EPHB1: variants seen among roughly 807,000 people sequenced by gnomAD.
EPHB1 encodes ephrin type-B receptor 1.
A neutral mutation model predicts 94.4 loss-of-function variants in EPHB1; 30 were observed. The ratio of observed to expected loss-of-function variants is 0.32; its 90% CI spans 0.24 to 0.43. EPHB1 has a LOEUF of 0.43. EPHB1 is among the 20% of genes least tolerant of loss of function. The probability of loss-of-function intolerance (pLI) is 1.00; values close to 1 mark genes in which losing one functional copy is unlikely to be tolerated. For synonymous variants in EPHB1, 522 were observed against 489.1 expected, an observed-to-expected ratio of 1.07 and a Z score of -0.89; for missense variants, 1,055 against 1,308.3, an observed-to-expected ratio of 0.81 and a Z score of 2.99.
At chr3:135,241,928 T>G (rs1292061455) in intron 13 of EPHB1, among the ~76,000 whole-genome samples, 2 of 152,104 alleles carry the variant, frequency 1.3e-5, no homozygotes, top group Non-Finnish European at 2.9e-5. Context: ...TCCCTGTCTG[T>G]GGGGAGGTCA....
chr3:135,074,280 T>TCA (rs1220537437), intron 3 of EPHB1, among the ~76,000 whole-genome samples: 1 of 152,226 alleles, frequency 6.6e-6, no homozygotes, highest in Non-Finnish European at 1.5e-5. Context: ...CATCATGAGC[T>TCA]CATAGATTTA....
intron 5 of EPHB1, among the ~76,000 whole-genome samples, chr3:135,153,567 G>C (rs1941259520): frequency 6.6e-6 from 1 of 152,146 alleles, no homozygotes; most frequent in Admixed American, 6.5e-5. Context: ...CCATACCTCT[G>C]TTGTTGGTCT....
chr3:134,978,033 AC>A (rs1235775909), intron 3 of EPHB1: 1 of 455,486 alleles, frequency 2.2e-6, no homozygotes, highest in East Asian at 7.0e-5. Flanking sequence ...TATTTCTGCC[AC>A]ACTCACACAG....
At chr3:135,004,598 A>G (rs1202356263) in intron 3 of EPHB1, among the ~76,000 whole-genome samples, 5 of 151,966 alleles carry the variant, frequency 3.3e-5, no homozygotes, top group Non-Finnish European at 7.4e-5. Context: ...AGGTATACCA[A>G]TCAGAGGTAG....
At position 135,167,044 on chromosome 3, in the gene EPHB1, A is replaced by G. The variant is rs60822960; in HGVS notation, c.1759+38A>G. On this transcript the variant is annotated intron_variant, in intron 9 of 15. Transcript: ENST00000398015. ...CAGAGACCCGGTGTCTGACCCCCAC[A>G]GGCCACTGAGTCAAGTGGGCTAGTG... 10,128 of 1,608,130 alleles carry G rather than the reference A, an allele frequency of 6.3e-3. 285 individuals are homozygous for G. The African/African-American group carries it at 0.067, about 11-fold the overall frequency.
At chr3:134,873,414 T>G (rs1011650159) in intron 1 of EPHB1, among the ~76,000 whole-genome samples, 2 of 152,198 alleles carry the variant, frequency 1.3e-5, no homozygotes, top group Non-Finnish European at 2.9e-5. Flanking sequence ...ATGACCTAGA[T>G]GGTTTGGGGA....
chr3:135,145,681 G>C (rs1940987777), intron 5 of EPHB1, among the ~76,000 whole-genome samples: 1 of 152,096 alleles, frequency 6.6e-6, no homozygotes, highest in Non-Finnish European at 1.5e-5. Flanking sequence ...GATGGGGAGG[G>C]ACCCAGCCTG....
chr3:135,177,254 A>G (rs540819870), intron 9 of EPHB1, among the ~76,000 whole-genome samples: 133 of 152,304 alleles, frequency 8.7e-4, no homozygotes, highest in African/African-American at 3.1e-3. Flanking sequence ...GGGTCCCAGC[A>G]TCTGGGCTGT....
At chr3:135,099,054 G>A (rs1400168629) in intron 3 of EPHB1, among the ~76,000 whole-genome samples, 1 of 147,136 alleles carries the variant, frequency 6.8e-6, no homozygotes, top group Non-Finnish European at 1.5e-5. Flanking sequence ...TCCACACTTT[G>A]TGTGGGAGTG....
intron 1 of EPHB1, among the ~76,000 whole-genome samples, chr3:134,798,223 C>T (rs548261619): frequency 2.0e-5 from 3 of 152,252 alleles, no homozygotes; most frequent in African/African-American, 7.2e-5. Flanking sequence ...TGAGGCCAGG[C>T]GGGCCCTCAG....
At chr3:135,030,821 G>T (rs1262446604) in intron 3 of EPHB1, among the ~76,000 whole-genome samples, 2 of 152,116 alleles carry the variant, frequency 1.3e-5, no homozygotes, top group Non-Finnish European at 2.9e-5. Context: ...CCCTCCCCCA[G>T]CCTCGCTGCC....
At chr3:134,953,620 CG>C (rs2107716992) in intron 3 of EPHB1, among the ~76,000 whole-genome samples, 1 of 152,310 alleles carries the variant, frequency 6.6e-6, no homozygotes, top group Admixed American at 6.5e-5. Context: ...CTTGCAGCAG[CG>C]CATGGTGGGT....
chr3:134,980,781 G>A (rs1478995444), intron 3 of EPHB1, among the ~76,000 whole-genome samples: 1 of 152,192 alleles, frequency 6.6e-6, no homozygotes, highest in Non-Finnish European at 1.5e-5. Flanking sequence ...CTGGCACCAG[G>A]CTAGGCTAGG....
At chr3:134,942,891 A>G (rs1166189266) in intron 2 of EPHB1, among the ~76,000 whole-genome samples, 1 of 152,270 alleles carries the variant, frequency 6.6e-6, no homozygotes, top group Non-Finnish European at 1.5e-5. Context: ...GCCTGGTAGC[A>G]GAAACCAAAG....
chr3:134,931,742 T>C (rs1252725583), intron 2 of EPHB1, among the ~76,000 whole-genome samples: 1 of 152,216 alleles, frequency 6.6e-6, no homozygotes, highest in African/African-American at 2.4e-5. Flanking sequence ...TTTAGAAATA[T>C]AAGTATGTGT....
intron 3 of EPHB1, among the ~76,000 whole-genome samples, chr3:134,975,787 G>T (rs1387257221): frequency 2.0e-5 from 3 of 151,734 alleles, no homozygotes; most frequent in Admixed American, 1.3e-4. Context: ...GGCAGGGGGG[G>T]AGTGAGAAAG....
intron 3 of EPHB1, among the ~76,000 whole-genome samples, chr3:134,995,940 T>C (rs2107740232): frequency 6.6e-6 from 1 of 150,714 alleles, no homozygotes; most frequent in East Asian, 1.9e-4. Flanking sequence ...ATTGGTATAA[T>C]GTGCATGTAT....
intron 1 of EPHB1, among the ~76,000 whole-genome samples, chr3:134,829,576 A>G (rs2036543692): frequency 6.6e-6 from 1 of 152,210 alleles, no homozygotes; most frequent in Non-Finnish European, 1.5e-5. Flanking sequence ...ATAATTTCAG[A>G]CCTAGAGAAA....
rs1432070199 is a variant in EPHB1 at position 135,249,416 on chromosome 3, A to G, written c.2771A>G (p.Lys924Arg). ...TTVDDWLSAI[K>R]MVQYRDSFLT... ...GTGGATGACTGGCTCAGCGCCATCA[A>G]AATGGTCCAGTACAGGGACAGCTTC... Residue 924 changes from lysine (K) to arginine (R), a missense_variant, in exon 15 of 16, where the codon AAA (lysine) becomes AGA (arginine). Lys to Arg is a conservative substitution (Grantham distance 26). Transcript: ENST00000398015. 1.9e-6 allele frequency: 3 copies of G among 1,614,016 alleles called. No homozygotes were observed. Among genetic ancestry groups the G allele is most frequent in the Admixed American group, 1.7e-5 (1 of 60,026 alleles).
Sources: allele counts gnomAD v4.1 joint callset (sites outside exome capture counted in the v4.1 genomes callset), GRCh38; gene constraint gnomAD v4.1.1; transcripts MANE v1.5; gene names NCBI Gene and HGNC (gene_info 2026-07-23, HGNC 2026-07-21).